Variants in CELF2 observed in about 807,000 individuals in gnomAD.
CELF2 encodes CUGBP Elav-like family member 2.
Under a neutral mutation model 62.6 loss-of-function variants are expected in CELF2, and 8 were observed. That is an observed-to-expected ratio of 0.13 (90% CI 0.07 to 0.23). The LOEUF (loss-of-function observed/expected upper bound fraction) is 0.23, where lower values mean the gene tolerates loss of function less well. CELF2 is among the 10% of genes least tolerant of loss of function. The pLI, the probability that CELF2 is intolerant of heterozygous loss-of-function variation, is 1.00. For missense variants in CELF2, 333 were observed against 671.0 expected, an observed-to-expected ratio of 0.50 and a Z score of 5.56; for synonymous variants, 258 against 250.0, an observed-to-expected ratio of 1.03 and a Z score of -0.30.
the CELF2 span, among the ~76,000 whole-genome samples, chr10:10,618,881 G>C: frequency 1.3e-5 from 2 of 152,136 alleles, no homozygotes; most frequent in Non-Finnish European, 2.9e-5. Context: ...TTCTATAGCT[G>C]AGCTTGAGGA....
intron 1 of CELF2, among the ~76,000 whole-genome samples, chr10:10,918,257 A>C (rs2064537415): frequency 6.6e-6 from 1 of 152,194 alleles, no homozygotes; most frequent in South Asian, 2.1e-4. Flanking sequence ...GGGTATCCAC[A>C]ATTCCAGATT....
At position 11,269,622 on chromosome 10, in the gene CELF2, T is replaced by C. The variant is rs1043385379; in HGVS notation, c.619-1044T>C. 1.3e-5 allele frequency among the ~76,000 whole-genome samples: 2 copies of C among 152,126 alleles called. No individual in the cohort carries two copies. The highest frequency in any genetic ancestry group is 4.1e-4 in the South Asian group (2 of 4,826). ...CAGCAAAATTGAACAGCTTTAATTG[T>C]GATGAAACGTGTAGGCAAGCCACAC... On this transcript the variant is annotated intron_variant, in intron 6 of 12. Transcript: ENST00000633077. The surrounding 1 kb of genome is among the most constrained non-coding windows in gnomAD (Gnocchi z 4.4).
chr10:10,501,529 G>A, the CELF2 span, among the ~76,000 whole-genome samples: 1 of 152,060 alleles, frequency 6.6e-6, no homozygotes. Context: ...ATGTATTTGA[G>A]TAGTATTTAA....
intron 2 of CELF2, among the ~76,000 whole-genome samples, chr10:10,929,006 G>A (rs548572272): frequency 1.3e-5 from 2 of 152,164 alleles, no homozygotes; most frequent in Non-Finnish European, 2.9e-5. Flanking sequence ...AATTGGGAAG[G>A]GAAGGAGGAA....
At chr10:10,533,566 C>G in the CELF2 span, among the ~76,000 whole-genome samples, 1 of 152,200 alleles carries the variant, frequency 6.6e-6, no homozygotes, top group African/African-American at 2.4e-5. Context: ...GAGGGAAAAG[C>G]CCAGTGTATG....
the CELF2 span, among the ~76,000 whole-genome samples, chr10:10,556,265 G>A: frequency 6.6e-6 from 1 of 151,570 alleles, no homozygotes; most frequent in African/African-American, 2.4e-5. Flanking sequence ...TCCCACCTAT[G>A]AGTGACAATA....
the CELF2 span, among the ~76,000 whole-genome samples, chr10:10,523,157 A>T: frequency 6.6e-6 from 1 of 152,180 alleles, no homozygotes; most frequent in East Asian, 1.9e-4. Flanking sequence ...CTACAGATCA[A>T]CCTACCAGAT....
At chr10:11,064,773 A>G (rs1445499530) in intron 1 of CELF2, among the ~76,000 whole-genome samples, 1 of 152,226 alleles carries the variant, frequency 6.6e-6, no homozygotes, top group Non-Finnish European at 1.5e-5. Flanking sequence ...GACCTAAATA[A>G]CAGTTCATTC....
the CELF2 span, among the ~76,000 whole-genome samples, chr10:10,664,355 C>A: frequency 6.6e-6 from 1 of 152,192 alleles, no homozygotes; most frequent in East Asian, 1.9e-4. Context: ...GAAATATAAA[C>A]ACAAAGTGAT....
chr10:10,586,828 C>T, the CELF2 span, among the ~76,000 whole-genome samples: 8 of 152,270 alleles, frequency 5.3e-5, no homozygotes, highest in African/African-American at 9.6e-5. Flanking sequence ...ATTTTGAACA[C>T]GTTTTCCTGG....
the CELF2 span, among the ~76,000 whole-genome samples, chr10:10,544,201 C>G: frequency 1.3e-5 from 2 of 152,180 alleles, no homozygotes; most frequent in Non-Finnish European, 2.9e-5. Context: ...ACCAGGTGGG[C>G]ACAAACAGAG....
the CELF2 span, among the ~76,000 whole-genome samples, chr10:10,717,307 T>C: frequency 6.6e-6 from 1 of 152,148 alleles, no homozygotes; most frequent in Non-Finnish European, 1.5e-5. Flanking sequence ...TTTTTTAACG[T>C]GCTAGCATGT....
At chr10:10,528,579 C>A in the CELF2 span, among the ~76,000 whole-genome samples, 4 of 152,304 alleles carry the variant, frequency 2.6e-5, no homozygotes, top group African/African-American at 9.6e-5. Context: ...GTAGTGCTGG[C>A]CTGCCTCTTT....
At chr10:10,996,378 T>C (rs578066287) in intron 2 of CELF2, among the ~76,000 whole-genome samples, 1 of 152,264 alleles carries the variant, frequency 6.6e-6, no homozygotes, top group East Asian at 1.9e-4. Flanking sequence ...GAGCTGAAGG[T>C]TTGGTTAGCG....
At chr10:10,686,255 G>C in the CELF2 span, among the ~76,000 whole-genome samples, 2 of 124,702 alleles carry the variant, frequency 1.6e-5, no homozygotes, top group Non-Finnish European at 3.1e-5. Context: ...GCTTTACCTG[G>C]AAACTTAATT....
At chr10:11,163,200 A>T (rs1443005453) in intron 1 of CELF2, among the ~76,000 whole-genome samples, 1 of 152,192 alleles carries the variant, frequency 6.6e-6, no homozygotes, top group Non-Finnish European at 1.5e-5. Flanking sequence ...AACTAGTACA[A>T]TGCCACTCCC....
rs1305049642 is a variant in CELF2, at chr10:11,214,337, T to C, written c.272-3088T>C. 6.6e-6 allele frequency among the ~76,000 whole-genome samples: 1 copy of C among 152,198 alleles called. No homozygotes were observed. The highest frequency in any genetic ancestry group is 2.4e-5 in the African/African-American group (1 of 41,452). On this transcript the variant is annotated intron_variant, in intron 2 of 12. Transcript: ENST00000633077. The surrounding 1 kb of genome is among the most constrained non-coding windows in gnomAD (Gnocchi z 4.2). ...TAACTAAGGTACTGAGGAGGTAAGA[T>C]ATTTCCCCACGGTAAGTCATTCAGA...
rs1328045083 is a variant in CELF2, at chr10:11,290,920, A to T, written c.976+2368A>T. ...AGTGTAACTAAAAAATCTGATGTTT[A>T]AGTGAAAGTAAATTATTTGTCTAAT... On this transcript the variant is annotated intron_variant, in intron 9 of 12. Coordinates refer to ENST00000633077, the MANE Select transcript of CELF2 (RefSeq NM_001326342.2). The surrounding 1 kb of genome is among the most constrained non-coding windows in gnomAD (Gnocchi z 4.3). 2.0e-5 allele frequency among the ~76,000 whole-genome samples: 3 copies of T among 152,260 alleles called. No individual in the cohort carries two copies. Among genetic ancestry groups the T allele is most frequent in the Non-Finnish European group, 4.4e-5 (3 of 68,040 alleles).
At chr10:11,313,181 T>C (rs1260865587) in intron 9 of CELF2, among the ~76,000 whole-genome samples, 1 of 152,164 alleles carries the variant, frequency 6.6e-6, no homozygotes, top group Non-Finnish European at 1.5e-5. Flanking sequence ...AAGGAAAAAT[T>C]AGAAACAAAA....
Sources: allele counts gnomAD v4.1 joint callset (sites outside exome capture counted in the v4.1 genomes callset), GRCh38; gene constraint gnomAD v4.1.1; non-coding constraint Gnocchi (gnomAD v3.1); transcripts MANE v1.5; gene names NCBI Gene and HGNC (gene_info 2026-07-23, HGNC 2026-07-21).